Variants in ADAMTS3 observed in about 807,000 individuals in gnomAD.
ADAMTS3 encodes A disintegrin and metalloproteinase with thrombospondin motifs 3.
In ADAMTS3, 73 loss-of-function variants were observed where a neutral mutation model predicts 129.0. That is an observed-to-expected ratio of 0.57 (90% CI 0.47 to 0.69). ADAMTS3 has a LOEUF of 0.69. Ranked by LOEUF, ADAMTS3 falls within the 30% of genes least tolerant of loss-of-function variation. The probability of loss-of-function intolerance (pLI) is 0.00; values close to 1 mark genes in which losing one functional copy is unlikely to be tolerated. For synonymous variants in ADAMTS3, 477 were observed against 510.8 expected, an observed-to-expected ratio of 0.93 and a Z score of 0.89; for missense variants, 1,457 against 1,514.5, an observed-to-expected ratio of 0.96 and a Z score of 0.63.
At chr4:72,349,576 T>C (rs1720374587) in intron 4 of ADAMTS3, among the ~76,000 whole-genome samples, 1 of 152,002 alleles carries the variant, frequency 6.6e-6, no homozygotes, top group African/African-American at 2.4e-5. Flanking sequence ...CTTAAATCTC[T>C]TCTCTAAAAA....
At chr4:72,484,631 A>T (rs553741324) in intron 3 of ADAMTS3, among the ~76,000 whole-genome samples, 1 of 152,338 alleles carries the variant, frequency 6.6e-6, no homozygotes, top group African/African-American at 2.4e-5. Context: ...CAGGCTACTC[A>T]CAGCAAATCT....
At chr4:72,360,031 G>A (rs543393039) in intron 4 of ADAMTS3, among the ~76,000 whole-genome samples, 6 of 152,130 alleles carry the variant, frequency 3.9e-5, no homozygotes, top group African/African-American at 1.4e-4. Flanking sequence ...AGGCAATTGT[G>A]GTTTGCTGAT....
chr4:72,463,822 G>C (rs1167569930), intron 3 of ADAMTS3, among the ~76,000 whole-genome samples: 3 of 151,340 alleles, frequency 2.0e-5, no homozygotes, highest in Non-Finnish European at 4.4e-5. Flanking sequence ...TAGCAGCAAA[G>C]AGTTCCACCC....
chr4:72,404,825 AACACACAC>A (rs146366382), intron 4 of ADAMTS3, among the ~76,000 whole-genome samples: 3,032 of 148,336 alleles, frequency 0.02, 48 homozygotes, highest in African/African-American at 0.039. Flanking sequence ...AAGCAAACAA[AACACACAC>A]ACACACACAC....
intron 3 of ADAMTS3, among the ~76,000 whole-genome samples, chr4:72,496,334 T>G (rs1271764603): frequency 1.3e-5 from 2 of 152,200 alleles, no homozygotes; most frequent in African/African-American, 4.8e-5. Flanking sequence ...TCAAGTCAAG[T>G]GTTCATTTTA....
chr4:72,549,046 C>A (rs1312948896), intron 2 of ADAMTS3, among the ~76,000 whole-genome samples, 162 bp from the exon 3 acceptor site: 33 of 152,106 alleles, frequency 2.2e-4, no homozygotes, highest in Admixed American at 1.6e-3. Flanking sequence ...GAACAAAAAT[C>A]ATTTCTCAAA....
intron 3 of ADAMTS3, among the ~76,000 whole-genome samples, chr4:72,415,320 G>C (rs116988452): frequency 6.6e-6 from 1 of 151,834 alleles, no homozygotes; most frequent in East Asian, 1.9e-4. Context: ...AATCATATGG[G>C]ACACATAAAT....
chr4:72,415,315 T>C (rs368715428), intron 3 of ADAMTS3, among the ~76,000 whole-genome samples: 4 of 152,002 alleles, frequency 2.6e-5, no homozygotes, highest in African/African-American at 7.2e-5. Context: ...GTAAGAATCA[T>C]ATGGGACACA....
At chr4:72,464,057 A>G (rs546503676) in intron 3 of ADAMTS3, among the ~76,000 whole-genome samples, 2 of 151,986 alleles carry the variant, frequency 1.3e-5, no homozygotes, top group South Asian at 2.1e-4. Flanking sequence ...TACTCCATCT[A>G]AAAAGCACAG....
intron 4 of ADAMTS3, among the ~76,000 whole-genome samples, chr4:72,395,177 G>A (rs558732624): frequency 2.2e-4 from 34 of 152,164 alleles, no homozygotes; most frequent in South Asian, 1.2e-3. Context: ...CACCTGCCTC[G>A]GCCTCCCAAA....
At chr4:72,538,864 T>C (rs989256822) in intron 3 of ADAMTS3, among the ~76,000 whole-genome samples, 3 of 152,172 alleles carry the variant, frequency 2.0e-5, no homozygotes, top group Non-Finnish European at 2.9e-5. Flanking sequence ...AATTGTTGCA[T>C]ATATGGTCAA....
chr4:72,510,303 C>T (rs981649891), intron 3 of ADAMTS3, among the ~76,000 whole-genome samples: 5 of 151,904 alleles, frequency 3.3e-5, no homozygotes, highest in South Asian at 2.1e-4. Flanking sequence ...ATATAAAGGG[C>T]ATCCAAATTG....
intron 4 of ADAMTS3, among the ~76,000 whole-genome samples, chr4:72,364,605 C>T (rs1720820030): frequency 6.8e-6 from 1 of 147,480 alleles, no homozygotes; most frequent in Non-Finnish European, 1.5e-5. Flanking sequence ...TAGAGCAAGA[C>T]TCCGTTTAAA....
At chr4:72,396,462 G>A (rs1721727493) in intron 4 of ADAMTS3, among the ~76,000 whole-genome samples, 1 of 151,676 alleles carries the variant, frequency 6.6e-6, no homozygotes, top group Non-Finnish European at 1.5e-5. Flanking sequence ...AACTTTCAGA[G>A]AAAAAAAAGA....
chr4:72,354,424 T>G (rs916600689), intron 4 of ADAMTS3, among the ~76,000 whole-genome samples: 19 of 151,968 alleles, frequency 1.3e-4, no homozygotes, highest in African/African-American at 4.6e-4. Context: ...CACATTTTCT[T>G]TATTGATTCA....
At chr4:72,357,048 T>C (rs1218138589) in intron 4 of ADAMTS3, among the ~76,000 whole-genome samples, 1 of 151,916 alleles carries the variant, frequency 6.6e-6, no homozygotes, top group African/African-American at 2.4e-5. Context: ...ATTTTTAACA[T>C]TGTTAAACAT....
chr4:72,486,317 T>C (rs1719590408), intron 3 of ADAMTS3, among the ~76,000 whole-genome samples: 1 of 152,224 alleles, frequency 6.6e-6, no homozygotes, highest in African/African-American at 2.4e-5. Flanking sequence ...TTCATCATTG[T>C]AGTAAGTACT....
In ADAMTS3 at chr4:72,429,266, C is replaced by T. The variant is rs558710258; in HGVS notation, c.505-14295G>A. Among the ~76,000 whole-genome samples, 8 of 152,048 alleles carry T rather than the reference C, an allele frequency of 5.3e-5. No individual in the cohort carries two copies. In the South Asian group the frequency reaches 1.5e-3, roughly 28 times the overall value. ...TATGAATTCAACTATATGTAATAAT[C>T]GAAATACATAATAGTCATCTGCTAA... On this transcript the variant is annotated intron_variant, in intron 3 of 21. Transcript: ENST00000286657.
chr4:72,499,742 T>C (rs1188147142), intron 3 of ADAMTS3, among the ~76,000 whole-genome samples: 2 of 152,114 alleles, frequency 1.3e-5, no homozygotes, highest in African/African-American at 4.8e-5. Flanking sequence ...CTGAGCACAA[T>C]GCCCAATAGT....
Sources: gnomAD v4.1 joint callset for allele counts (sites outside exome capture counted in the v4.1 genomes callset) on GRCh38, gnomAD v4.1.1 for gene constraint, MANE v1.5 for transcripts, NCBI Gene and HGNC (gene_info 2026-07-23, HGNC 2026-07-21) for gene names.